The following CFAP92 variants were observed in gnomAD, a reference collection of about 807,000 sequenced individuals.
CFAP92 encodes cilia and flagella associated protein 92 (putative).
CFAP92 carries 86 observed loss-of-function variants against 106.3 expected under a neutral mutation model. That is an observed-to-expected ratio of 0.81 (90% CI 0.68 to 0.97). The LOEUF is 0.97. Among genes scored for constraint, CFAP92 ranks in the 50% least tolerant of loss-of-function variants. The probability of loss-of-function intolerance (pLI) is 0.00; values close to 1 mark genes in which losing one functional copy is unlikely to be tolerated. For synonymous variants in CFAP92, 477 were observed against 506.4 expected (o/e 0.94, Z 0.78); for missense variants, 1,204 against 1,283.8 (o/e 0.94, Z 0.95).
intron 10 of CFAP92, among the ~76,000 whole-genome samples, chr3:128,937,925 A>G (rs1262764584): frequency 6.6e-6 from 1 of 152,014 alleles, no homozygotes; most frequent in Non-Finnish European, 1.5e-5. Context: ...TTAGCTGAGC[A>G]TGGTGGTAGG....
chr3:128,921,459 G>C (rs1232489415), intron 12 of CFAP92, among the ~76,000 whole-genome samples: 1 of 152,236 alleles, frequency 6.6e-6, no homozygotes, highest in Non-Finnish European at 1.5e-5. Context: ...GGTTCAGTTA[G>C]CTGAATGTAT....
intron 9 of CFAP92, among the ~76,000 whole-genome samples, chr3:128,958,933 G>A (rs1018460319): frequency 6.6e-6 from 1 of 151,562 alleles, no homozygotes; most frequent in Non-Finnish European, 1.5e-5. Flanking sequence ...AGACAAGGTT[G>A]GACGCAGTGG....
intron 4 of CFAP92, among the ~76,000 whole-genome samples, chr3:128,981,406 C>T (rs1187868500): frequency 6.0e-5 from 9 of 150,990 alleles, no homozygotes; most frequent in Admixed American, 2.6e-4. Context: ...TTTCGGCTCA[C>T]TGCAACCTCC....
At chr3:128,977,986 A>G (rs1050394469) in intron 5 of CFAP92, 59 bp downstream of exon 5, 21 of 1,605,990 alleles carry the variant, frequency 1.3e-5, no homozygotes, top group Non-Finnish European at 1.7e-5. Context: ...ACACCACACA[A>G]CCGCTTTCCC....
At chr3:128,925,217 TGTTC>T (rs1937569598) in intron 12 of CFAP92, among the ~76,000 whole-genome samples, 1 of 152,252 alleles carries the variant, frequency 6.6e-6, no homozygotes, top group Non-Finnish European at 1.5e-5. Flanking sequence ...GGGATGAAAC[TGTTC>T]CACCTCAGCT....
At chr3:128,935,100 C>A in intron 11 of CFAP92, 25 bp downstream of exon 11, 2 of 1,494,556 alleles carry the variant, frequency 1.3e-6, no homozygotes, top group Non-Finnish European at 8.9e-7. Context: ...GGGCGCAGGA[C>A]CACATGCGAG....
In CFAP92 at chr3:128,932,918, T is replaced by A; in HGVS notation, c.2533A>T (p.Lys845Ter). The A allele has an allele frequency of 6.5e-7, 1 of 1,536,140 alleles. No individual in the cohort carries two copies. Among genetic ancestry groups the A allele is most frequent in the Non-Finnish European group, 8.7e-7 (1 of 1,146,916 alleles). The part of the protein sequence containing the change: ...RDLLPSSAMI[K>*]DLSQEFGMPL... ...ATCCCAAACTCTTGGCTCAAGTCTT[T>A]TATCATAGCAGAGGAGGGCAGCAGG... Residue 845 changes from lysine to a stop codon, truncating the protein, a stop_gained, in exon 12 of 16, where the codon AAA (lysine) becomes TAA (stop). Transcript: ENST00000645291. LOFTEE classifies it high-confidence loss of function.
Position 128,993,218 on chromosome 3 carries a change from G to T in CFAP92, c.87C>A (p.Ser29Arg). Residue 29 changes from serine (S) to arginine (R), a missense_variant, in exon 2 of 16, where the codon AGC becomes AGA. Ser to Arg is a moderately radical substitution (Grantham distance 110). Transcript: ENST00000645291. ...SSITSFYQST[S>R]ECDVEEHLKA... is the part of the protein sequence containing the mutation. ...TCAGGTGTTCCTCCACGTCACACTCGCTCGTGGACTGGTAAAAGCTAGTGA... is the reference window on the plus strand; with the variant it reads ...TCAGGTGTTCCTCCACGTCACACTCTCTCGTGGACTGGTAAAAGCTAGTGA... 6.2e-7 allele frequency: 1 copy of T among 1,614,056 alleles called. No homozygotes were observed. Among genetic ancestry groups the T allele is most frequent in the Non-Finnish European group, 8.5e-7 (1 of 1,179,896 alleles).
intron 4 of CFAP92, among the ~76,000 whole-genome samples, chr3:128,987,290 A>G (rs1231040342): frequency 6.6e-6 from 1 of 151,380 alleles, no homozygotes. Context: ...GTTCCTTGGT[A>G]TCCTCTAAGT....
chr3:128,967,541 A>G (rs1942466608), intron 8 of CFAP92: 1 of 152,208 alleles, frequency 6.6e-6, no homozygotes, highest in Admixed American at 6.5e-5. Flanking sequence ...GTCTCTACCA[A>G]AAATACAAAA....
rs1189470601 is a variant in CFAP92 at position 128,945,516 on chromosome 3, C to A, written c.1813G>T (p.Val605Phe). ...HCGQDSRRRKVVGLGVPRDGH... is the reference protein window; with the variant it reads ...HCGQDSRRRKFVGLGVPRDGH... Reference sequence around the variant, plus strand: ...TCTCTGGGGACCCCAAGCCCCACAACCTTCCTTCTCCTGCTGTCCTGGCCG... The same window carrying A: ...TCTCTGGGGACCCCAAGCCCCACAAACTTCCTTCTCCTGCTGTCCTGGCCG... The change falls in exon 10 of 16, where the codon GTT becomes TTT. Residue 605 changes from valine to phenylalanine, a missense_variant. Transcript: ENST00000645291. 1 of 1,536,058 alleles carries A rather than the reference C, an allele frequency of 6.5e-7. No individual in the cohort carries two copies. Among genetic ancestry groups the A allele is most frequent in the Admixed American group, 2.0e-5 (1 of 50,978 alleles).
intron 9 of CFAP92, among the ~76,000 whole-genome samples, chr3:128,958,298 G>A (rs1447268463): frequency 6.6e-6 from 1 of 152,170 alleles, no homozygotes. Flanking sequence ...GGTGTTAGGG[G>A]TTGTTGTGAC....
chr3:128,945,021 G>A (rs1377254738), intron 10 of CFAP92, 50 bp downstream of exon 10: 42 of 1,435,094 alleles, frequency 2.9e-5, no homozygotes, highest in African/African-American at 4.3e-5. Context: ...CCACTCCCTC[G>A]GCATCCAGAT....
chr3:128,961,826 T>G (rs1178590498), intron 9 of CFAP92, among the ~76,000 whole-genome samples: 1 of 152,254 alleles, frequency 6.6e-6, no homozygotes, highest in South Asian at 2.1e-4. Context: ...AATTAACCTC[T>G]CCTTCAAGGT....
Position 128,945,221 on chromosome 3 carries a change from G to A in CFAP92, c.2108C>T (p.Ser703Leu), listed in dbSNP as rs149054093. ...GACCCGCACACGCACCTTGAAGGCT[G>A]ACAGGATCTGCTGCAGGGTCCTGAC... Reference protein sequence around the residue: ...YPVRTLQQILSAFKVRVRVQE... With the variant: ...YPVRTLQQILLAFKVRVRVQE... Residue 703 changes from serine (S) to leucine (L), a missense_variant, in exon 10 of 16, where the codon TCA becomes TTA. By Grantham distance (145) the Ser-to-Leu change is moderately radical (BLOSUM62 -2). Transcript: ENST00000645291. 2 of 1,536,150 alleles carry A rather than the reference G, an allele frequency of 1.3e-6. No homozygotes were observed. The highest frequency in any genetic ancestry group is 1.7e-6 in the Non-Finnish European group (2 of 1,146,922).
intron 15 of CFAP92, chr3:128,912,758 A>G (rs763017515): frequency 4.5e-5 from 36 of 792,744 alleles, no homozygotes; most frequent in Non-Finnish European, 7.4e-5. Context: ...CTGGCCTGGG[A>G]GAGCCTCTTC....
At chr3:129,007,809 T>C in the CFAP92 span, among the ~76,000 whole-genome samples, 1 of 152,264 alleles carries the variant, frequency 6.6e-6, no homozygotes, top group African/African-American at 2.4e-5. Flanking sequence ...GAGTTCTTTT[T>C]CAGACCTGTA....
chr3:128,994,259 T>C, upstream of CFAP92: 1 of 503,868 alleles, frequency 2.0e-6, no homozygotes, highest in Non-Finnish European at 2.6e-6. Flanking sequence ...ACCAGCTGCC[T>C]TCATTCCTTC....
At chr3:128,922,379 G>A (rs749580910) in intron 12 of CFAP92, among the ~76,000 whole-genome samples, 2 of 151,926 alleles carry the variant, frequency 1.3e-5, no homozygotes, top group South Asian at 2.1e-4. Context: ...TTAGTTCCTC[G>A]ACTCAGTGGT....
Sources: allele counts gnomAD v4.1 joint callset (sites outside exome capture counted in the v4.1 genomes callset), GRCh38; gene constraint gnomAD v4.1.1; transcripts MANE v1.5; gene names NCBI Gene and HGNC (gene_info 2026-07-23, HGNC 2026-07-21).